The following CPAMD8 variants were observed in gnomAD, a reference collection of about 807,000 sequenced individuals.
CPAMD8 encodes C3 and PZP-like alpha-2-macroglobulin domain-containing protein 8.
CPAMD8 carries 146 observed loss-of-function variants against 224.7 expected under a neutral mutation model. The ratio of observed to expected loss-of-function variants is 0.65; its 90% CI spans 0.57 to 0.75. CPAMD8 has a LOEUF of 0.75. CPAMD8 is among the 30% of genes least tolerant of loss of function. The pLI, the probability that CPAMD8 is intolerant of heterozygous loss-of-function variation, is 0.00. For synonymous variants in CPAMD8, 966 were observed against 1,044.6 expected, an observed-to-expected ratio of 0.92 and a Z score of 1.45; for missense variants, 2,301 against 2,537.5, an observed-to-expected ratio of 0.91 and a Z score of 2.00.
chr19:16,954,755 G>A (rs753676798), intron 19 of CPAMD8, among the ~76,000 whole-genome samples: 1 of 151,454 alleles, frequency 6.6e-6, no homozygotes, highest in Admixed American at 6.6e-5. Flanking sequence ...GAGGCCGAGG[G>A]GGGTGGATCA....
intron 27 of CPAMD8, among the ~76,000 whole-genome samples, chr19:16,919,634 T>C (rs2053093098): frequency 6.6e-6 from 1 of 152,252 alleles, no homozygotes; most frequent in Admixed American, 6.5e-5. Flanking sequence ...TGGGGTCACT[T>C]GTTACACAGC....
rs1450628686 is a variant in CPAMD8 at position 16,928,198 on chromosome 19, T to A, written c.3181A>T (p.Ile1061Phe). The A allele has an allele frequency of 1.2e-6, 2 of 1,614,028 alleles. No individual in the cohort carries two copies. Among genetic ancestry groups the A allele is most frequent in the East Asian group, 2.2e-5 (1 of 44,888 alleles). Residue 1061 changes from isoleucine to phenylalanine, a missense_variant, in exon 25 of 42, where the codon ATT becomes TTT. Around this residue, in one of 4 missense-constraint regions of CPAMD8, gnomAD observed 1,709 missense variants for 1,753.2 expected, o/e 0.97. Transcript: ENST00000443236. ...GGCCTCGGGAGGGTCCAGGCCACAATGACAGACTCATTGGATGGCTCTGGA... is the reference window on the plus strand; with the variant it reads ...GGCCTCGGGAGGGTCCAGGCCACAAAGACAGACTCATTGGATGGCTCTGGA... ...HGPEPSNESV[I>F]VAWTLPRPPE...
chr19:17,007,930 G>A (rs896253641), intron 7 of CPAMD8, among the ~76,000 whole-genome samples: 20 of 152,256 alleles, frequency 1.3e-4, no homozygotes, highest in African/African-American at 4.1e-4. Context: ...CACTTTGGGA[G>A]GACAAGGCGG....
chr19:16,897,776 G>A lies in CPAMD8; in HGVS notation c.4980C>T (p.Asn1660=), dbSNP rs750437784. 1.9e-6 allele frequency: 3 copies of A among 1,586,596 alleles called. No homozygotes were observed. In the East Asian group the frequency reaches 6.8e-5, roughly 36 times the overall value. Residue 1660 remains asparagine (N), a synonymous_variant, in exon 39 of 42, where the codon AAC becomes AAT. Coordinates refer to ENST00000443236, the MANE Select transcript of CPAMD8 (RefSeq NM_015692.5). ...GGGCGAGTGGGCTGTGGGTGCTGAC[G>A]TTGTAGAAGCGAGTGGCCTCGAAGG... ...EPAFEATRFY[N]VSTHSPLARE...
Position 17,026,576 on chromosome 19 carries a change from C to A in CPAMD8, c.67G>T (p.Val23Leu), listed in dbSNP as rs768658843. The A allele has an allele frequency of 2.6e-6, 4 of 1,526,442 alleles. No individual in the cohort carries two copies. Among genetic ancestry groups the A allele is most frequent in the Non-Finnish European group, 3.5e-6 (4 of 1,146,102 alleles). The allele number at this position is 1,526,442 out of a possible 1,614,324, so 94.6% of individuals were successfully genotyped here. The change falls in exon 1 of 42, where the codon GTG (valine) becomes TTG (leucine). Residue 23 changes from valine to leucine, a missense_variant. By Grantham distance (32) the Val-to-Leu change is conservative. This residue lies in a region of CPAMD8 where 283 missense variants were observed against 340.6 expected (regional missense o/e 0.83). Transcript: ENST00000443236. ...LLLLLSARDGVRAAQPQAPGY... is the reference protein window; with the variant it reads ...LLLLLSARDGLRAAQPQAPGY... ...GGGGCCTGAGGCTGCGCGGCGCGCA[C>A]GCCGTCCCGCGCCGACAGCAGCAGG... is the stretch of plus-strand genomic sequence containing the variant.
intron 25 of CPAMD8, among the ~76,000 whole-genome samples, 176 bp from the exon 26 acceptor site, chr19:16,925,548 GTTTTAC>G (rs567182045): frequency 2.5e-3 from 383 of 152,288 alleles, no homozygotes; most frequent in African/African-American, 8.5e-3. Flanking sequence ...TTTGGTGACA[GTTTTAC>G]ACACCTCCTT....
At position 17,026,732 on chromosome 19, in the gene CPAMD8, C is replaced by A; in HGVS notation, c.-90G>T. On this transcript the variant is annotated 5_prime_UTR_variant, in exon 1 of 42. Transcript: ENST00000443236. The stretch of plus-strand genomic sequence containing the variant: ...GGTCCGAGCGCGGCCGTCCTCGCGC[C>A]GCCGCCGGGGGCCCTTTGTTCGCAG... 1.6e-6 allele frequency: 2 copies of A among 1,215,426 alleles called. No homozygotes were observed. The highest frequency in any genetic ancestry group is 6.7e-5 in the East Asian group (2 of 29,672). 75.3% of individuals were successfully genotyped at this position (1,215,426 alleles called of 1,614,324 possible).
chr19:17,011,686 G>A lies in CPAMD8; in HGVS notation c.339C>T (p.Pro113=). 3 of 1,613,980 alleles carry A rather than the reference G, an allele frequency of 1.9e-6. No individual in the cohort carries two copies. Among genetic ancestry groups the A allele is most frequent in the Non-Finnish European group, 2.5e-6 (3 of 1,179,992 alleles). Residue 113 remains proline (P), a synonymous_variant, in exon 4 of 42, where the codon CCC becomes CCT. Transcript: ENST00000443236. ...WGRGWQAEEG[P]LFHNQTSVTV... is the part of the protein sequence containing the mutation. ...TCACCGAGGTCTGGTTGTGAAAGAG[G>A]GGCCCCTCCTCCGCCTGCCAGCCGC...
At position 16,963,350 on chromosome 19, in the gene CPAMD8, C is replaced by T. The variant is rs1362902048; in HGVS notation, c.2214-5435G>A. On this transcript the variant is annotated intron_variant, in intron 18 of 41. Coordinates refer to ENST00000443236, the MANE Select transcript of CPAMD8 (RefSeq NM_015692.5). ...TCAAAATAAATGGATGGAGGAAGATCTACCAAGCAAATGGAAAGCAAAAAA... is the reference window on the plus strand; with the variant it reads ...TCAAAATAAATGGATGGAGGAAGATTTACCAAGCAAATGGAAAGCAAAAAA... Among the ~76,000 whole-genome samples, 4 of 152,266 alleles carry T rather than the reference C, an allele frequency of 2.6e-5. No homozygotes were observed. In the East Asian group the frequency reaches 7.7e-4, roughly 29 times the overall value.
chr19:16,929,989 C>T (rs1340192617), intron 23 of CPAMD8, among the ~76,000 whole-genome samples: 1 of 151,978 alleles, frequency 6.6e-6, no homozygotes, highest in Non-Finnish European at 1.5e-5. Flanking sequence ...GAGAGCTCAA[C>T]TTTGGTAAAG....
intron 23 of CPAMD8, among the ~76,000 whole-genome samples, chr19:16,930,395 AG>A: frequency 6.6e-6 from 1 of 152,266 alleles, no homozygotes; most frequent in South Asian, 2.1e-4. Context: ...ATGTGGGGAG[AG>A]GGGCTACTTA....
At chr19:16,929,278 C>T (rs2053476184) in intron 23 of CPAMD8, 38 bp from the exon 24 acceptor site, 8 of 1,529,938 alleles carry the variant, frequency 5.2e-6, no homozygotes, top group South Asian at 1.2e-5. Context: ...TGAGAGGGCA[C>T]CTGGAGGCAT....
rs1217581395 is a variant in CPAMD8 at position 16,897,817 on chromosome 19, G to A, written c.4955-16C>T. On this transcript the variant is annotated splice_polypyrimidine_tract_variant and intron_variant, in intron 38 of 41. Transcript: ENST00000443236. ...GCCTCGAAGGCTACGGGACGAGGGT[G>A]GCGGGTGACCAAGTGCAGGCGCGAC... is the stretch of plus-strand genomic sequence containing the variant. The A allele has an allele frequency of 6.4e-7, 1 of 1,574,746 alleles. No individual in the cohort carries two copies. The highest frequency in any genetic ancestry group is 1.8e-5 in the Admixed American group (1 of 54,108).
intron 29 of CPAMD8, among the ~76,000 whole-genome samples, chr19:16,911,981 T>C (rs1307295141): frequency 6.6e-6 from 1 of 152,120 alleles, no homozygotes; most frequent in African/African-American, 2.4e-5. Context: ...ACCCAGCTGG[T>C]TGCACACTCC....
intron 27 of CPAMD8, among the ~76,000 whole-genome samples, chr19:16,918,191 C>T (rs1398804524): frequency 1.3e-5 from 2 of 152,090 alleles, no homozygotes; most frequent in African/African-American, 2.4e-5. Context: ...GACGGGGTTT[C>T]GCCATGTTGG....
intron 10 of CPAMD8, among the ~76,000 whole-genome samples, chr19:16,997,992 T>A (rs2056190045): frequency 6.6e-6 from 1 of 152,182 alleles, no homozygotes; most frequent in Admixed American, 6.6e-5. Context: ...TGGCAAATAA[T>A]CCTCATTCAG....
intron 21 of CPAMD8, 120 bp from the exon 22 acceptor site, chr19:16,945,799 G>A: frequency 1.1e-6 from 1 of 885,982 alleles, no homozygotes; most frequent in Non-Finnish European, 1.8e-6. Flanking sequence ...GTGCATGTGT[G>A]TGTGTATATG....
chr19:16,993,284 T>C, intron 12 of CPAMD8, 132 bp downstream of exon 12: 1 of 681,966 alleles, frequency 1.5e-6, no homozygotes, highest in South Asian at 1.9e-5. Context: ...TCCCACTGTC[T>C]AGTGGAATGT....
intron 23 of CPAMD8, among the ~76,000 whole-genome samples, chr19:16,937,081 C>CTTCT (rs1363194915): frequency 2.0e-4 from 30 of 147,080 alleles, no homozygotes; most frequent in African/African-American, 7.6e-4. Context: ...TCCTTCCTTC[C>CTTCT]TTCCTTCCTC....
Sources: allele counts gnomAD v4.1 joint callset (sites outside exome capture counted in the v4.1 genomes callset), GRCh38; gene constraint gnomAD v4.1.1; regional missense constraint gnomAD v4.1.1; transcripts MANE v1.5; gene names NCBI Gene and HGNC (gene_info 2026-07-23, HGNC 2026-07-21).